The following CSTF1 variants were observed in gnomAD, a reference collection of about 807,000 sequenced individuals.
The protein encoded by CSTF1 is cleavage stimulation factor subunit 1, also known as CF-1 50 kDa subunit.
Under a neutral mutation model 40.9 loss-of-function variants are expected in CSTF1, and 2 were observed. The observed-to-expected ratio is 0.05, with a 90% CI of 0.02 to 0.15. The LOEUF is 0.15. Ranked by LOEUF, CSTF1 falls within the 10% of genes least tolerant of loss-of-function variation. The pLI, the probability that CSTF1 is intolerant of heterozygous loss-of-function variation, is 1.00. For synonymous variants in CSTF1, 218 were observed against 207.2 expected, an observed-to-expected ratio of 1.05 and a Z score of -0.45; for missense variants, 279 against 558.9, an observed-to-expected ratio of 0.50 and a Z score of 5.05.
intron 2 of CSTF1, chr20:56,396,921 C>A: frequency 3.1e-6 from 1 of 318,156 alleles, no homozygotes; most frequent in East Asian, 5.5e-5. Context: ...TTTTGAGTTT[C>A]TGTAGTTGTA....
At chr20:56,393,021 C>G (rs779882007) in intron 1 of CSTF1, among the ~76,000 whole-genome samples, 1 of 151,982 alleles carries the variant, frequency 6.6e-6, no homozygotes, top group Admixed American at 6.6e-5. Flanking sequence ...TTCTTGTCCT[C>G]GTGTGCTCAC....
chr20:56,399,101 A>G lies in CSTF1; in HGVS notation c.780A>G (p.Gln260=). The G allele has an allele frequency of 6.2e-7, 1 of 1,614,198 alleles. No individual in the cohort carries two copies. The highest frequency in any genetic ancestry group is 8.5e-7 in the Non-Finnish European group (1 of 1,180,042). ...TTGTCTCTTGCAATCCTCAAGATCA[A>G]CACACCGATGCTATATGTTCCGTTA... ...QCFVSCNPQD[Q]HTDAICSVNY... is the part of the protein sequence containing the mutation. Residue 260 remains glutamine, a synonymous_variant, in exon 5 of 6, where the codon CAA becomes CAG. Transcript: ENST00000217109. The surrounding 1 kb of genome is among the most constrained non-coding windows in gnomAD (Gnocchi z 4.6).
chr20:56,396,564 G>A (rs974527551), intron 2 of CSTF1, among the ~76,000 whole-genome samples: 1 of 152,002 alleles, frequency 6.6e-6, no homozygotes, highest in Non-Finnish European at 1.5e-5. Context: ...TAAAACAGCC[G>A]TGCACGGGGA....
chr20:56,397,499 C>A lies in CSTF1; in HGVS notation c.447+15C>A. The A allele has an allele frequency of 6.2e-7, 1 of 1,610,038 alleles. No individual in the cohort carries two copies. Among genetic ancestry groups the A allele is most frequent in the South Asian group, 1.1e-5 (1 of 90,834 alleles). On this transcript the variant is annotated intron_variant, in intron 3 of 5. Transcript: ENST00000217109. The surrounding 1 kb of genome is among the most constrained non-coding windows in gnomAD (Gnocchi z 4.4). ...TGCCAATAGAGGTAAAAATTCCAGT[C>A]ACATACTTATTGATTGCCTTCTGTT...
rs1053917823 is a variant in CSTF1, at chr20:56,395,598, A to G, written c.46A>G (p.Lys16Glu). ...VGLKDRQQLY[K>E]LIISQLLYDG... ...CTTGAAGGACCGCCAGCAGCTCTAC[A>G]AGCTGATCATTAGCCAGCTGCTATA... The change falls in exon 2 of 6, where the codon AAG (lysine) becomes GAG (glutamate). Residue 16 changes from lysine (K) to glutamate (E), a missense_variant. Lys to Glu is a moderately conservative substitution (Grantham distance 56, BLOSUM62 1). Coordinates refer to ENST00000217109, the MANE Select transcript of CSTF1 (RefSeq NM_001324.3). 6.2e-7 allele frequency: 1 copy of G among 1,614,216 alleles called. No individual in the cohort carries two copies. The highest frequency in any genetic ancestry group is 2.2e-5 in the East Asian group (1 of 44,892).
chr20:56,406,202 A>G lies in CSTF1; in HGVS notation c.*2475A>G, dbSNP rs1418197237. 6.6e-6 allele frequency: 1 copy of G among 152,136 alleles called. No homozygotes were observed. The highest frequency in any genetic ancestry group is 2.4e-5 in the African/African-American group (1 of 41,420). 9.4% of individuals were successfully genotyped at this position (152,136 alleles called of 1,614,324 possible). A position where few individuals can be genotyped will look rare whatever the true frequency, so the allele number is the denominator to read the frequency against. The stretch of plus-strand genomic sequence containing the variant: ...GTGTTGTGAGCCTGGTGTAAATGCC[A>G]GGAATATTATATGGACTTAGTATCT... On this transcript the variant is annotated 3_prime_UTR_variant, in exon 6 of 6. Transcript: ENST00000217109.
chr20:56,394,322 G>A (rs1041418081), intron 1 of CSTF1, among the ~76,000 whole-genome samples: 84 of 152,108 alleles, frequency 5.5e-4, no homozygotes, highest in African/African-American at 1.9e-3. Context: ...GCAGTGGCTC[G>A]CGCCCGTAAT....
At chr20:56,398,849 G>A in intron 4 of CSTF1, 118 bp from the exon 5 acceptor site, 1 of 963,798 alleles carries the variant, frequency 1.0e-6, no homozygotes. Flanking sequence ...TATGATACCT[G>A]TGTAATATCT....
intron 5 of CSTF1, among the ~76,000 whole-genome samples, chr20:56,400,503 A>T (rs541800932): frequency 2.6e-5 from 4 of 152,342 alleles, no homozygotes; most frequent in Middle Eastern, 3.4e-3. Context: ...AGTGTGCTGT[A>T]TCTGGACAGA....
chr20:56,400,171 G>GT (rs1255837026), intron 5 of CSTF1, among the ~76,000 whole-genome samples: 4 of 152,312 alleles, frequency 2.6e-5, no homozygotes, highest in Admixed American at 6.5e-5. Flanking sequence ...ACTGGATTGT[G>GT]TTTAAGTTTG....
rs900254779 is a variant in CSTF1 at position 56,403,828 on chromosome 20, G to C, written c.*101G>C. On this transcript the variant is annotated 3_prime_UTR_variant, in exon 6 of 6. Transcript: ENST00000217109. ...GTCCGTGCACCATCCTTGACGTTTTGCTGCCACCTCTGTCCACATTCTTCT... is the reference window on the plus strand; with the variant it reads ...GTCCGTGCACCATCCTTGACGTTTTCCTGCCACCTCTGTCCACATTCTTCT... 5.1e-6 allele frequency: 6 copies of C among 1,178,370 alleles called. No individual in the cohort carries two copies. Among genetic ancestry groups the C allele is most frequent in the Non-Finnish European group, 7.2e-6 (6 of 828,274 alleles). 73.0% of individuals were successfully genotyped at this position (1,178,370 alleles called of 1,614,324 possible).
Position 56,399,403 on chromosome 20 carries a change from C to T in CSTF1, c.1036+46C>T, listed in dbSNP as rs1277141888. ...ACTTAACATTTCTGTAGTGTTTACA[C>T]TTTCCAGAACTCTCTTTTAAGACCT... On this transcript the variant is annotated intron_variant, in intron 5 of 5. Coordinates refer to ENST00000217109, the MANE Select transcript of CSTF1 (RefSeq NM_001324.3). This position sits in a 1 kb window ranked among gnomAD's most constrained non-coding sequence, Gnocchi z 4.6. The T allele has an allele frequency of 6.6e-7, 1 of 1,515,000 alleles. No homozygotes were observed. Among genetic ancestry groups the T allele is most frequent in the Non-Finnish European group, 8.9e-7 (1 of 1,118,278 alleles). 93.8% of individuals were successfully genotyped at this position (1,515,000 alleles called of 1,614,324 possible). A position where few individuals can be genotyped will look rare whatever the true frequency, so the allele number is the denominator to read the frequency against.
chr20:56,399,337 G>T lies in CSTF1; in HGVS notation c.1016G>T (p.Arg339Leu). 1 of 1,611,698 alleles carries T rather than the reference G, an allele frequency of 6.2e-7. No individual in the cohort carries two copies. Among genetic ancestry groups the T allele is most frequent in the Non-Finnish European group, 8.5e-7 (1 of 1,178,674 alleles). The change falls in exon 5 of 6, where the codon CGA becomes CTA. Residue 339 changes from arginine to leucine, a missense_variant. Around this residue, in one of 4 missense-constraint regions of CSTF1, gnomAD observed 162 missense variants for 337.1 expected, o/e 0.48. Coordinates refer to ENST00000217109, the MANE Select transcript of CSTF1 (RefSeq NM_001324.3). This position sits in a 1 kb window ranked among gnomAD's most constrained non-coding sequence, Gnocchi z 4.6. The part of the protein sequence containing the change: ...VAKLWEISTG[R>L]TLVRYTGAGL... ...AAACTTTGGGAAATATCAACGGGAC[G>T]AACACTGGTCAGATACACGGGTATG...
intron 1 of CSTF1, among the ~76,000 whole-genome samples, chr20:56,394,519 G>A (rs569970765): frequency 2.0e-5 from 3 of 152,298 alleles, no homozygotes; most frequent in African/African-American, 4.8e-5. Context: ...CCCAGGAGGC[G>A]GAGGTTGCAG....
Position 56,394,591 on chromosome 20 carries a change from AG to A in CSTF1, c.-32-929del, listed in dbSNP as rs201366835. On this transcript the variant is annotated intron_variant, in intron 1 of 5. Coordinates refer to ENST00000217109, the MANE Select transcript of CSTF1 (RefSeq NM_001324.3). ...GACAGAGCGAGACTCCGTCTCAAAA[AG>A]AAAAAAGAAATCAGGCTCTGAGGTC... Among the ~76,000 whole-genome samples, 827 of 152,302 alleles carry A rather than the reference AG, an allele frequency of 5.4e-3. 12 individuals carry two copies. Among genetic ancestry groups the A allele is most frequent in the African/African-American group, 0.018 (765 of 41,572 alleles).
Position 56,404,835 on chromosome 20 carries a change from T to G in CSTF1, c.*1108T>G, listed in dbSNP as rs1978638032. The G allele has an allele frequency of 7.3e-6, 1 of 136,056 alleles. No homozygotes were observed. Among genetic ancestry groups the G allele is most frequent in the African/African-American group, 2.9e-5 (1 of 34,426 alleles). The allele number at this position is 136,056 out of a possible 1,614,324, so 8.4% of individuals were successfully genotyped here. A position where few individuals can be genotyped will look rare whatever the true frequency, so the allele number is the denominator to read the frequency against. ...TAATTTTTTTTTTTTTTTTTTTTTT[T>G]TTTGTATTTTTAGTAGAGCCAGGGT... On this transcript the variant is annotated 3_prime_UTR_variant, in exon 6 of 6. Transcript: ENST00000217109.
chr20:56,404,202 C>T lies in CSTF1; in HGVS notation c.*475C>T, dbSNP rs1315686018. 3 of 154,470 alleles carry T rather than the reference C, an allele frequency of 1.9e-5. No individual in the cohort carries two copies. Among genetic ancestry groups the T allele is most frequent in the Non-Finnish European group, 4.3e-5 (3 of 69,440 alleles). The allele number at this position is 154,470 out of a possible 1,614,324, so 9.6% of individuals were successfully genotyped here. A position where few individuals can be genotyped will look rare whatever the true frequency, so the allele number is the denominator to read the frequency against. On this transcript the variant is annotated 3_prime_UTR_variant, in exon 6 of 6. Transcript: ENST00000217109. ...ATTATCAAAAGCATTTTCAAGAATC[C>T]CTCAATTCTATCCTGAAATGATGTT...
chr20:56,396,601 C>A (rs920441581), intron 2 of CSTF1, among the ~76,000 whole-genome samples: 17 of 152,020 alleles, frequency 1.1e-4, no homozygotes, highest in Admixed American at 9.2e-4. Context: ...TATACCGATA[C>A]GTTAACAGTT....
At position 56,397,803 on chromosome 20, in the gene CSTF1, T is replaced by G; in HGVS notation, c.607T>G (p.Ser203Ala). ...RDYTLKLFDY[S>A]KPSAKRAFKY... Reference sequence around the variant, plus strand: ...TTATACTCTTAAATTATTTGATTATTCCAAACCATCAGCAAAAAGAGCCTT... The same window carrying G: ...TTATACTCTTAAATTATTTGATTATGCCAAACCATCAGCAAAAAGAGCCTT... The change falls in exon 4 of 6, where the codon TCC (serine) becomes GCC (alanine). Residue 203 changes from serine to alanine, a missense_variant. Physicochemically the swap from Ser to Ala is moderately conservative, Grantham distance 99. Transcript: ENST00000217109. This position sits in a 1 kb window ranked among gnomAD's most constrained non-coding sequence, Gnocchi z 4.4. The G allele has an allele frequency of 4.3e-6, 7 of 1,614,122 alleles. No individual in the cohort carries two copies. Among genetic ancestry groups the G allele is most frequent in the Non-Finnish European group, 5.9e-6 (7 of 1,179,954 alleles).
Sources: allele counts gnomAD v4.1 joint callset (sites outside exome capture counted in the v4.1 genomes callset), GRCh38; gene constraint gnomAD v4.1.1; regional missense constraint gnomAD v4.1.1; non-coding constraint Gnocchi (gnomAD v3.1); transcripts MANE v1.5; gene names NCBI Gene and HGNC (gene_info 2026-07-23, HGNC 2026-07-21).